Variants in OSM observed in about 807,000 individuals in gnomAD.
OSM encodes oncostatin M.
OSM carries 1 observed loss-of-function variant against 6.3 expected under a neutral mutation model. The ratio of observed to expected loss-of-function variants is 0.16; its 90% CI spans 0.06 to 0.76. The LOEUF is 0.76. Ranked by LOEUF, OSM falls within the 30% of genes least tolerant of loss-of-function variation. OSM has a pLI of 0.77. For missense variants in OSM, 324 were observed against 336.9 expected (o/e 0.96, Z 0.30); for synonymous variants, 135 against 143.4 (o/e 0.94, Z 0.42).
intron 1 of OSM, 30 bp from the exon 2 acceptor site, chr22:30,265,174 C>T (rs2123851786): frequency 1.9e-6 from 3 of 1,592,336 alleles, no homozygotes; most frequent in East Asian, 2.3e-5. Flanking sequence ...TGTCACCTGA[C>T]TTGGTGAGGA....
At position 30,266,844 on chromosome 22, in the gene OSM, T is replaced by C; in HGVS notation, c.-45A>G. On this transcript the variant is annotated 5_prime_UTR_variant, in exon 1 of 3. Transcript: ENST00000215781. This position sits in a 1 kb window ranked among gnomAD's most constrained non-coding sequence, Gnocchi z 5.0. ...GCCCGCGCCCGCTGGGGGTGACACC[T>C]CTCGGCTGGGAGCCCTGCAGGCTGG... 6.3e-7 allele frequency: 1 copy of C among 1,590,184 alleles called. No individual in the cohort carries two copies. The highest frequency in any genetic ancestry group is 8.6e-7 in the Non-Finnish European group (1 of 1,166,554).
rs536878567 is a variant in OSM at position 30,266,460 on chromosome 22, C to T, written c.34+306G>A. 1.8e-4 allele frequency among the ~76,000 whole-genome samples: 28 copies of T among 152,284 alleles called. No individual in the cohort carries two copies. In the East Asian group the frequency reaches 3.5e-3, roughly 19 times the overall value. ...CCCTGCCCAGCTTCTGAGCCTCCCT[C>T]TCCTGCCCAGCCTCTTTGCCCATCC... On this transcript the variant is annotated intron_variant, in intron 1 of 2. Transcript: ENST00000215781. The surrounding 1 kb of genome is among the most constrained non-coding windows in gnomAD (Gnocchi z 5.0).
Position 30,264,388 on chromosome 22 carries a change from T to C in OSM, c.254A>G (p.Glu85Gly). 1 of 1,614,060 alleles carries C rather than the reference T, an allele frequency of 6.2e-7. No homozygotes were observed. The highest frequency in any genetic ancestry group is 8.5e-7 in the Non-Finnish European group (1 of 1,180,006). Residue 85 changes from glutamate to glycine, a missense_variant, in exon 3 of 3, where the codon GAG (glutamate) becomes GGG (glycine). By Grantham distance (98) the Glu-to-Gly change is moderately conservative (BLOSUM62 -2). Transcript: ENST00000215781. ...CCGCCTGCCCAGCCCCCTCAGGGTC[T>C]CCTCACTGGGGAAGGCCCCGGGGCG... ...RERPGAFPSE[E>G]TLRGLGRRGF...
chr22:30,264,370 C>G lies in OSM; in HGVS notation c.272G>C (p.Gly91Ala), dbSNP rs1222184584. ...GAGGGTCTGCAGGAAGCCCCGCCTG[C>G]CCAGCCCCCTCAGGGTCTCCTCACT... ...FPSEETLRGL[G>A]RRGFLQTLNA... Residue 91 changes from glycine to alanine, a missense_variant, in exon 3 of 3, where the codon GGC becomes GCC. Transcript: ENST00000215781. 1 of 1,614,002 alleles carries G rather than the reference C, an allele frequency of 6.2e-7. No homozygotes were observed. Among genetic ancestry groups the G allele is most frequent in the Non-Finnish European group, 8.5e-7 (1 of 1,180,016 alleles).
At chr22:30,265,178 G>A (rs372266136) in intron 1 of OSM, 34 bp from the exon 2 acceptor site, 3 of 1,591,330 alleles carry the variant, frequency 1.9e-6, no homozygotes, top group African/African-American at 2.7e-5. Flanking sequence ...ACCTGACTTG[G>A]TGAGGAAAGC....
chr22:30,264,912 T>G, intron 2 of OSM, 90 bp downstream of exon 2: 3 of 1,464,710 alleles, frequency 2.0e-6, no homozygotes, highest in Non-Finnish European at 9.3e-7. Context: ...CCATATGGAG[T>G]GGGGCTAGGC....
Position 30,264,413 on chromosome 22 carries a change from G to T in OSM, c.229C>A (p.Arg77Ser). The T allele has an allele frequency of 6.2e-7, 1 of 1,613,532 alleles. No homozygotes were observed. The highest frequency in any genetic ancestry group is 8.5e-7 in the Non-Finnish European group (1 of 1,179,590). ...VPKLREHCRERPGAFPSEETL... is the reference protein window; with the variant it reads ...VPKLREHCRESPGAFPSEETL... ...TCCTCACTGGGGAAGGCCCCGGGGCGCTCCCTGCAGTGCTCTCTCAGTTTA... is the reference window on the plus strand; with the variant it reads ...TCCTCACTGGGGAAGGCCCCGGGGCTCTCCCTGCAGTGCTCTCTCAGTTTA... The change falls in exon 3 of 3, where the codon CGC becomes AGC. Residue 77 changes from arginine (R) to serine (S), a missense_variant. Arg to Ser is a moderately radical substitution (Grantham distance 110). Coordinates refer to ENST00000215781, the MANE Select transcript of OSM (RefSeq NM_020530.6).
Position 30,265,003 on chromosome 22 carries a change from T to C in OSM, c.176A>G (p.Tyr59Cys), listed in dbSNP as rs758417602. ...MQDTSRLLDP[Y>C]IRIQGLDVPK... The stretch of plus-strand genomic sequence containing the variant: ...TGCCACAAGGGCCCAGGTGCTTACA[T>C]AGGGGTCCAGGAGTCTGCTGGTGTC... The change falls in exon 2 of 3, where the codon TAT becomes TGT. Residue 59 changes from tyrosine (Y) to cysteine (C), a missense_variant and splice_region_variant. By Grantham distance (194) the Tyr-to-Cys change is radical. Coordinates refer to ENST00000215781, the MANE Select transcript of OSM (RefSeq NM_020530.6). The C allele has an allele frequency of 1.9e-6, 3 of 1,613,800 alleles. No individual in the cohort carries two copies. The highest frequency in any genetic ancestry group is 1.7e-5 in the Admixed American group (1 of 60,000).
intron 2 of OSM, 58 bp downstream of exon 2, chr22:30,264,944 C>G: frequency 6.3e-7 from 1 of 1,589,154 alleles, no homozygotes; most frequent in Non-Finnish European, 8.6e-7. Context: ...GCTTCTCACT[C>G]CCTTCCTAAC....
chr22:30,265,195 T>A (rs5763918), intron 1 of OSM, 51 bp from the exon 2 acceptor site: 1 of 1,580,976 alleles, frequency 6.3e-7, no homozygotes. Flanking sequence ...AAGCCACAGA[T>A]GGGAGCCTCG....
chr22:30,264,001 T>TCC lies in OSM; in HGVS notation c.639_640dup (p.Glu214GlyfsTer16). 6.4e-7 allele frequency: 1 copy of TCC among 1,556,102 alleles called. No homozygotes were observed. Among genetic ancestry groups the TCC allele is most frequent in the Non-Finnish European group, 8.7e-7 (1 of 1,149,700 alleles). On this transcript the variant is annotated frameshift_variant, in exon 3 of 3. Coordinates refer to ENST00000215781, the MANE Select transcript of OSM (RefSeq NM_020530.6). LOFTEE classifies it low-confidence loss of function (END_TRUNC). ...GTGTCTCCGGCTCCGGTTCGGGCTC[T>TCC]CCCCCCACTTGCTGAAGACCCGCCC...
rs1244804532 is a variant in OSM, at chr22:30,266,312, A to G, written c.34+454T>C. On this transcript the variant is annotated intron_variant, in intron 1 of 2. Transcript: ENST00000215781. This position sits in a 1 kb window ranked among gnomAD's most constrained non-coding sequence, Gnocchi z 5.0. ...CATATGGCTGTGTGCGCATGTGGCC[A>G]TGTGGGTGTGGCTGTGCATGCTGTG... 6.6e-6 allele frequency among the ~76,000 whole-genome samples: 1 copy of G among 152,118 alleles called. No individual in the cohort carries two copies. Among genetic ancestry groups the G allele is most frequent in the Non-Finnish European group, 1.5e-5 (1 of 68,000 alleles).
chr22:30,265,282 A>C, intron 1 of OSM, 138 bp from the exon 2 acceptor site: 2 of 1,478,376 alleles, frequency 1.4e-6, no homozygotes, highest in Admixed American at 2.4e-5. Flanking sequence ...GGGGCTGGGC[A>C]CTGTGTGGCA....
chr22:30,264,806 C>T (rs919852744), intron 2 of OSM, among the ~76,000 whole-genome samples, 196 bp downstream of exon 2: 2 of 152,172 alleles, frequency 1.3e-5, no homozygotes, highest in East Asian at 1.9e-4. Flanking sequence ...TCCGGAGTCC[C>T]GCCCCGGGAC....
At position 30,262,949 on chromosome 22, in the gene OSM, T is replaced by A. The variant is rs1034965727; in HGVS notation, c.*934A>T. 1 of 152,804 alleles carries A rather than the reference T, an allele frequency of 6.5e-6. No individual in the cohort carries two copies. The highest frequency in any genetic ancestry group is 1.5e-5 in the Non-Finnish European group (1 of 68,040). 9.5% of individuals were successfully genotyped at this position (152,804 alleles called of 1,614,324 possible). ...TTGATAAAAATCGATAAATTAGTCA[T>A]GTCCCTCCAAGGAACTGGCCTCGCA... On this transcript the variant is annotated 3_prime_UTR_variant, in exon 3 of 3. Coordinates refer to ENST00000215781, the MANE Select transcript of OSM (RefSeq NM_020530.6).
rs1350533612 is a variant in OSM at position 30,264,520 on chromosome 22, A to G, written c.178-56T>C. The G allele has an allele frequency of 2.1e-6, 3 of 1,430,846 alleles. No individual in the cohort carries two copies. In the Admixed American group the frequency reaches 5.8e-5, roughly 28 times the overall value. The allele number at this position is 1,430,846 out of a possible 1,614,324, so 88.6% of individuals were successfully genotyped here. On this transcript the variant is annotated intron_variant, in intron 2 of 2. Transcript: ENST00000215781. ...TGCTGAGGATCCGGACCACACTCACAGACAAGTAAGCCTTGAAATGCTAGA... is the reference window on the plus strand; with the variant it reads ...TGCTGAGGATCCGGACCACACTCACGGACAAGTAAGCCTTGAAATGCTAGA...
At chr22:30,264,907 T>G in intron 2 of OSM, 95 bp downstream of exon 2, 1 of 1,433,132 alleles carries the variant, frequency 7.0e-7, no homozygotes, top group Non-Finnish European at 9.6e-7. Flanking sequence ...CCTGGCCATA[T>G]GGAGTGGGGC....
Position 30,264,990 on chromosome 22 carries a change from C to T in OSM, c.177+12G>A. ...TCTGAGACTCAGATGCCACAAGGGC[C>T]CAGGTGCTTACATAGGGGTCCAGGA... is the stretch of plus-strand genomic sequence containing the variant. On this transcript the variant is annotated intron_variant, in intron 2 of 2. Coordinates refer to ENST00000215781, the MANE Select transcript of OSM (RefSeq NM_020530.6). 1 of 1,613,190 alleles carries T rather than the reference C, an allele frequency of 6.2e-7. No homozygotes were observed. Among genetic ancestry groups the T allele is most frequent in the East Asian group, 2.2e-5 (1 of 44,842 alleles).
Position 30,263,605 on chromosome 22 carries a change from CCT to C in OSM, c.*276_*277del. Reference sequence around the variant, plus strand: ...ATGAGTCAGCCTGTGTCATCAGACCCCTGAATCAATGGAAAGTCGGTCCCGCG... The same window carrying C: ...ATGAGTCAGCCTGTGTCATCAGACCCGAATCAATGGAAAGTCGGTCCCGCG... On this transcript the variant is annotated 3_prime_UTR_variant, in exon 3 of 3. Coordinates refer to ENST00000215781, the MANE Select transcript of OSM (RefSeq NM_020530.6). The C allele has an allele frequency of 2.6e-6, 1 of 387,320 alleles. No individual in the cohort carries two copies. The highest frequency in any genetic ancestry group is 4.6e-6 in the Non-Finnish European group (1 of 217,788). The allele number at this position is 387,320 out of a possible 1,614,324, so 24.0% of individuals were successfully genotyped here.
Sources: gnomAD v4.1 joint callset for allele counts (sites outside exome capture counted in the v4.1 genomes callset) on GRCh38, gnomAD v4.1.1 for gene constraint, Gnocchi (gnomAD v3.1) non-coding constraint, MANE v1.5 for transcripts, NCBI Gene and HGNC (gene_info 2026-07-23, HGNC 2026-07-21) for gene names.